Variants in ASXL2 observed in about 807,000 individuals in gnomAD.
The protein encoded by ASXL2 is putative Polycomb group protein ASXL2.
ASXL2 carries 23 observed loss-of-function variants against 122.0 expected under a neutral mutation model. That is an observed-to-expected ratio of 0.19 (90% CI 0.14 to 0.27). The LOEUF (loss-of-function observed/expected upper bound fraction) is 0.27, where lower values mean the gene tolerates loss of function less well. Among genes scored for constraint, ASXL2 ranks in the 10% least tolerant of loss-of-function variants. The pLI is 1.00. For synonymous variants in ASXL2, 650 were observed against 637.0 expected, an observed-to-expected ratio of 1.02 and a Z score of -0.31; for missense variants, 1,518 against 1,713.8, an observed-to-expected ratio of 0.89 and a Z score of 2.02.
chr2:25,860,772 G>A (rs1278977852), intron 1 of ASXL2, among the ~76,000 whole-genome samples: 1 of 149,328 alleles, frequency 6.7e-6, no homozygotes, highest in East Asian at 2.0e-4. Flanking sequence ...CAGCACTTTC[G>A]GAGGCCGAGG....
At chr2:25,824,262 GA>G (rs1163877340) in intron 3 of ASXL2, among the ~76,000 whole-genome samples, 1 of 151,408 alleles carries the variant, frequency 6.6e-6, no homozygotes, top group African/African-American at 2.4e-5. Flanking sequence ...ATAAACTCAG[GA>G]AAAAAAATAT....
At position 25,767,739 on chromosome 2, in the gene ASXL2, A is replaced by C; in HGVS notation, c.632-13T>G. On this transcript the variant is annotated splice_polypyrimidine_tract_variant and intron_variant, in intron 7 of 12. Coordinates refer to ENST00000435504, the MANE Select transcript of ASXL2 (RefSeq NM_018263.6). ...CCTTCCCATGTTGCTAGGAGAAAAA[A>C]ATACGTATAAAGACTGGTAGCACTG... 1.2e-6 allele frequency: 2 copies of C among 1,613,620 alleles called. No homozygotes were observed. The highest frequency in any genetic ancestry group is 1.7e-6 in the Non-Finnish European group (2 of 1,179,656).
At chr2:25,813,672 TAAC>T (rs780835907) in intron 3 of ASXL2, among the ~76,000 whole-genome samples, 1 of 152,052 alleles carries the variant, frequency 6.6e-6, no homozygotes, top group Non-Finnish European at 1.5e-5. Context: ...CAACAACAAA[TAAC>T]AACAAAACAG....
At chr2:25,877,229 G>C (rs189231850) in intron 1 of ASXL2, among the ~76,000 whole-genome samples, 55 of 152,276 alleles carry the variant, frequency 3.6e-4, no homozygotes, top group Admixed American at 3.5e-3. Flanking sequence ...AAATGCTGCC[G>C]TTTAATGCCC....
intron 5 of ASXL2, among the ~76,000 whole-genome samples, chr2:25,779,186 G>A (rs1453099630): frequency 1.5e-5 from 2 of 137,644 alleles, no homozygotes; most frequent in Non-Finnish European, 3.0e-5. Flanking sequence ...GCCTCCACTT[G>A]ATTGGGTTCA....
rs1444657359 is a variant in ASXL2, at chr2:25,742,629, T to C, written c.3708A>G (p.Pro1236=). The part of the protein sequence containing the change: ...LASKNVKAEI[P]LNEQTTLSKE... ...TACTTAAAGTGGTTTGCTCATTCAA[T>C]GGTATCTCAGCCTTCACATTCTTGC... The change falls in exon 13 of 13, where the codon CCA becomes CCG. Residue 1236 remains proline (P), a synonymous_variant. Transcript: ENST00000435504. 1 of 1,614,020 alleles carries C rather than the reference T, an allele frequency of 6.2e-7. No individual in the cohort carries two copies. Among genetic ancestry groups the C allele is most frequent in the Non-Finnish European group, 8.5e-7 (1 of 1,179,900 alleles).
intron 5 of ASXL2, among the ~76,000 whole-genome samples, chr2:25,788,220 T>C (rs907814190): frequency 9.9e-5 from 15 of 152,170 alleles, no homozygotes; most frequent in Admixed American, 3.9e-4. Context: ...AAATTCCACA[T>C]GGTTTATAGA....
chr2:25,843,466 T>C (rs1223461503), intron 2 of ASXL2, among the ~76,000 whole-genome samples: 1 of 152,146 alleles, frequency 6.6e-6, no homozygotes, highest in African/African-American at 2.4e-5. Flanking sequence ...GTTTTAATTT[T>C]AAAATGTTTA....
chr2:25,763,092 G>A (rs758516008), intron 8 of ASXL2, among the ~76,000 whole-genome samples: 2 of 152,126 alleles, frequency 1.3e-5, no homozygotes, highest in Non-Finnish European at 2.9e-5. Context: ...AAAGAACAGG[G>A]AGAACTGGAC....
chr2:25,858,796 C>T (rs1471045642), intron 1 of ASXL2, among the ~76,000 whole-genome samples: 3 of 149,766 alleles, frequency 2.0e-5, no homozygotes, highest in Admixed American at 6.7e-5. Flanking sequence ...ATAAAGTGAA[C>T]GTAAGTAGAA....
rs571741617 is a variant in ASXL2, at chr2:25,773,388, A to G, written c.404-1848T>C. 2.6e-5 allele frequency among the ~76,000 whole-genome samples: 4 copies of G among 151,190 alleles called. No homozygotes were observed. In the East Asian group the frequency reaches 6.0e-4, roughly 22 times the overall value. The stretch of plus-strand genomic sequence containing the variant: ...GCAAAAAGAAATCATAGCCTTGGCC[A>G]GGCGCGGTGGCTCACGCCTGTAATC... On this transcript the variant is annotated intron_variant, in intron 5 of 12. Transcript: ENST00000435504.
Position 25,735,608 on chromosome 2 carries a change from A to G in ASXL2, c.*6421T>C, listed in dbSNP as rs1426522064. The G allele has an allele frequency of 6.6e-6, 1 of 152,232 alleles. No homozygotes were observed. The highest frequency in any genetic ancestry group is 1.5e-5 in the Non-Finnish European group (1 of 68,034). The allele number at this position is 152,232 out of a possible 1,614,324, so 9.4% of individuals were successfully genotyped here. A position where few individuals can be genotyped will look rare whatever the true frequency, so the allele number is the denominator to read the frequency against. ...TAGCTTCTTTTAGGTTTGAACAGTG[A>G]CAGGAAAGCTGCATTATTTACCCAA... On this transcript the variant is annotated 3_prime_UTR_variant, in exon 13 of 13. Transcript: ENST00000435504.
chr2:25,817,264 T>C (rs13401060), intron 3 of ASXL2, among the ~76,000 whole-genome samples: 3,211 of 152,304 alleles, frequency 0.021, 112 homozygotes, highest in African/African-American at 0.07. Context: ...TGGAAAAAAG[T>C]GGAATACATT....
chr2:25,759,219 T>C (rs1335549483), intron 9 of ASXL2, among the ~76,000 whole-genome samples: 2 of 152,184 alleles, frequency 1.3e-5, no homozygotes, highest in Non-Finnish European at 2.9e-5. Context: ...CTGCCCAAAG[T>C]GCTGGGATTA....
At chr2:25,754,432 G>A (rs1294785517) in intron 10 of ASXL2, among the ~76,000 whole-genome samples, 3 of 152,122 alleles carry the variant, frequency 2.0e-5, no homozygotes, top group Non-Finnish European at 4.4e-5. Context: ...AGACCTCCTG[G>A]GGGTGAGAAG....
intron 9 of ASXL2, among the ~76,000 whole-genome samples, chr2:25,756,465 G>GAAAAAAAAAAGAAAAAAAAAAAA (rs2088137252): frequency 2.2e-5 from 2 of 91,416 alleles, no homozygotes; most frequent in African/African-American, 3.8e-5. Context: ...AAAAAAAAAA[G>GAAAAAAAAAAGAAAAAAAAAAAA]AAAAAAAAAA....
intron 5 of ASXL2, among the ~76,000 whole-genome samples, chr2:25,773,042 CTACTAAAAATACAAAAAT>C (rs2088483351): frequency 6.6e-6 from 1 of 151,692 alleles, no homozygotes; most frequent in South Asian, 2.1e-4. Flanking sequence ...AACCCCATCT[CTACTAAAAATACAAAAAT>C]TAGCCGGGTG....
intron 6 of ASXL2, among the ~76,000 whole-genome samples, chr2:25,770,694 G>A (rs2088433494): frequency 6.6e-6 from 1 of 151,958 alleles, no homozygotes; most frequent in African/African-American, 2.4e-5. Context: ...GGCGGAGGTT[G>A]CACTAGGCAA....
At chr2:25,825,646 T>C (rs1291642932) in intron 3 of ASXL2, among the ~76,000 whole-genome samples, 2 of 152,214 alleles carry the variant, frequency 1.3e-5, no homozygotes, top group Non-Finnish European at 2.9e-5. Context: ...GAATATTCCA[T>C]TGAATATATA....
Sources: gnomAD v4.1 joint callset for allele counts (sites outside exome capture counted in the v4.1 genomes callset) on GRCh38, gnomAD v4.1.1 for gene constraint, MANE v1.5 for transcripts, NCBI Gene and HGNC (gene_info 2026-07-23, HGNC 2026-07-21) for gene names.